Variants in NPSR1 observed in about 807,000 individuals in gnomAD.
NPSR1 encodes neuropeptide S receptor.
NPSR1 carries 48 observed loss-of-function variants against 46.9 expected under a neutral mutation model. The observed-to-expected ratio is 1.02, with a 90% CI of 0.81 to 1.30. NPSR1 has a LOEUF of 1.30. Ranked by LOEUF, NPSR1 falls within the 50% of genes most tolerant of loss-of-function variation. The probability of loss-of-function intolerance (pLI) is 0.00; values close to 1 mark genes in which losing one functional copy is unlikely to be tolerated. For synonymous variants in NPSR1, 176 were observed against 168.1 expected (o/e 1.05, Z -0.36); for missense variants, 450 against 449.5 (o/e 1.00, Z -0.01).
chr7:34,673,252 ATAAGCT>A (rs756024996), intron 1 of NPSR1, among the ~76,000 whole-genome samples: 20 of 152,286 alleles, frequency 1.3e-4, no homozygotes, highest in Non-Finnish European at 2.9e-4. Context: ...CCATCAGACT[ATAAGCT>A]CCTTGTCTTC....
At chr7:34,684,341 C>A (rs760588616) in intron 1 of NPSR1, among the ~76,000 whole-genome samples, 2 of 152,126 alleles carry the variant, frequency 1.3e-5, no homozygotes, top group Non-Finnish European at 2.9e-5. Context: ...TGTCTCTTGA[C>A]GTATATTTCC....
At chr7:34,730,066 G>C (rs35734131) in intron 2 of NPSR1, among the ~76,000 whole-genome samples, 1,561 of 152,284 alleles carry the variant, frequency 0.01, 26 homozygotes, top group African/African-American at 0.036. Context: ...GAGCCACCGT[G>C]CCTGGTCATG....
intron 2 of NPSR1, among the ~76,000 whole-genome samples, chr7:34,693,590 C>G (rs1353464332): frequency 6.6e-6 from 1 of 152,180 alleles, no homozygotes; most frequent in Non-Finnish European, 1.5e-5. Flanking sequence ...ACCAATCTTA[C>G]TGAATCTATT....
intron 2 of NPSR1, among the ~76,000 whole-genome samples, chr7:34,742,127 C>A (rs527851927): frequency 6.6e-6 from 1 of 151,178 alleles, no homozygotes; most frequent in South Asian, 2.1e-4. Flanking sequence ...TTTTTAGTTT[C>A]ATCATCTCAC....
chr7:34,721,032 A>G (rs924771664), intron 2 of NPSR1, among the ~76,000 whole-genome samples: 1 of 152,202 alleles, frequency 6.6e-6, no homozygotes, highest in African/African-American at 2.4e-5. Context: ...AGAAAAATAT[A>G]TTTCAAGGAA....
intron 8 of NPSR1, among the ~76,000 whole-genome samples, chr7:34,870,350 T>C (rs1240574390): frequency 6.6e-6 from 1 of 151,858 alleles, no homozygotes; most frequent in East Asian, 1.9e-4. Context: ...TAAATTCCTG[T>C]TGAATACATT....
rs145172238 is a variant in NPSR1 at position 34,868,251 on chromosome 7, C to G, written c.1026-9825C>G. Among the ~76,000 whole-genome samples the G allele has an allele frequency of 8.7e-3, 1,320 of 151,610 alleles. 48 individuals carry two copies. The highest frequency in any genetic ancestry group is 0.031 in the African/African-American group (1,250 of 40,894). On this transcript the variant is annotated intron_variant, in intron 8 of 8. Transcript: ENST00000359791. Reference sequence around the variant, plus strand: ...GAAGGGTCTAAAACCTCTGCTCCCCCTTCACTAGAAAGCCAGCCCTGGGGA... The same window carrying G: ...GAAGGGTCTAAAACCTCTGCTCCCCGTTCACTAGAAAGCCAGCCCTGGGGA...
At chr7:34,673,041 C>T (rs1410178955) in intron 1 of NPSR1, among the ~76,000 whole-genome samples, 1 of 152,152 alleles carries the variant, frequency 6.6e-6, no homozygotes, top group East Asian at 1.9e-4. Flanking sequence ...ACGCTGTTGC[C>T]AGGCACCCTA....
chr7:34,818,782 G>T (rs1460028466), intron 4 of NPSR1, among the ~76,000 whole-genome samples: 1 of 152,126 alleles, frequency 6.6e-6, no homozygotes, highest in East Asian at 1.9e-4. Flanking sequence ...ACAACCATCT[G>T]ATCTTTGACA....
chr7:34,759,755 G>A (rs1359488104), intron 2 of NPSR1, among the ~76,000 whole-genome samples: 1 of 152,184 alleles, frequency 6.6e-6, no homozygotes, highest in Non-Finnish European at 1.5e-5. Flanking sequence ...TTCACAGGAA[G>A]CAGTCCTGGG....
rs555224089 is a variant in NPSR1 at position 34,849,949 on chromosome 7, A to G, written c.*294A>G. On this transcript the variant is annotated 3_prime_UTR_variant, in exon 9 of 9. Coordinates refer to ENST00000360581, the MANE Select transcript of NPSR1 (RefSeq NM_207172.2). The stretch of plus-strand genomic sequence containing the variant: ...CAGTGAACACAGGCATTAGTGGTCC[A>G]GGGTCCTGGCTTGGAGCCAGTGAGT... 6.8e-5 allele frequency: 79 copies of G among 1,155,732 alleles called. No homozygotes were observed. The highest frequency in any genetic ancestry group is 3.7e-4 in the Middle Eastern group (1 of 2,694). The allele number at this position is 1,155,732 out of a possible 1,614,324, so 71.6% of individuals were successfully genotyped here.
At chr7:34,753,962 A>G (rs1227324351) in intron 2 of NPSR1, among the ~76,000 whole-genome samples, 5 of 152,178 alleles carry the variant, frequency 3.3e-5, no homozygotes, top group Non-Finnish European at 7.3e-5. Context: ...TCAAACACAA[A>G]ATAGACATGA....
At chr7:34,739,280 G>A (rs1451371980) in intron 2 of NPSR1, among the ~76,000 whole-genome samples, 4 of 152,168 alleles carry the variant, frequency 2.6e-5, no homozygotes, top group Admixed American at 6.5e-5. Flanking sequence ...TGGGTCATAT[G>A]ATAATTCTAT....
intron 6 of NPSR1, among the ~76,000 whole-genome samples, chr7:34,839,768 C>A (rs1224940947): frequency 6.6e-6 from 1 of 152,136 alleles, no homozygotes; most frequent in African/African-American, 2.4e-5. Flanking sequence ...TGCTAAGGTA[C>A]TCCTCAGCAC....
chr7:34,712,190 A>G (rs1345949472), intron 2 of NPSR1, among the ~76,000 whole-genome samples: 2 of 152,160 alleles, frequency 1.3e-5, no homozygotes, highest in African/African-American at 2.4e-5. Flanking sequence ...TTTTTATACA[A>G]TTGCTTTCCC....
intron 3 of NPSR1, among the ~76,000 whole-genome samples, chr7:34,799,211 T>A (rs1002932889): frequency 6.6e-6 from 1 of 152,102 alleles, no homozygotes; most frequent in African/African-American, 2.4e-5. Context: ...TCCACATGTA[T>A]ACATAAACAC....
intron 6 of NPSR1, among the ~76,000 whole-genome samples, chr7:34,835,660 G>A (rs1790330980): frequency 6.6e-6 from 1 of 152,136 alleles, no homozygotes; most frequent in Non-Finnish European, 1.5e-5. Context: ...CTAGAAGTAT[G>A]AGTGGAGATA....
intron 2 of NPSR1, among the ~76,000 whole-genome samples, chr7:34,720,101 G>C (rs1050654331): frequency 1.3e-5 from 2 of 152,076 alleles, no homozygotes; most frequent in Non-Finnish European, 2.9e-5. Context: ...CCAACATGGT[G>C]AAGCCCTATC....
chr7:34,761,364 A>C (rs879430065), intron 2 of NPSR1, among the ~76,000 whole-genome samples: 1 of 152,184 alleles, frequency 6.6e-6, no homozygotes, highest in Non-Finnish European at 1.5e-5. Context: ...CAAGAATAGC[A>C]TGATCCCAGC....
Sources: gnomAD v4.1 joint callset for allele counts (sites outside exome capture counted in the v4.1 genomes callset) on GRCh38, gnomAD v4.1.1 for gene constraint, MANE v1.5 for transcripts, NCBI Gene and HGNC (gene_info 2026-07-23, HGNC 2026-07-21) for gene names.